PPM1E: variants seen among roughly 807,000 people sequenced by gnomAD.
PPM1E encodes the protein protein phosphatase 1E.
In PPM1E, 20 loss-of-function variants were observed where a neutral mutation model predicts 65.9. That is an observed-to-expected ratio of 0.30 (90% CI 0.21 to 0.44). The LOEUF (loss-of-function observed/expected upper bound fraction) is 0.44. PPM1E is among the 20% of genes least tolerant of loss of function. The probability of loss-of-function intolerance (pLI) is 1.00; values close to 1 mark genes in which losing one functional copy is unlikely to be tolerated. For missense variants in PPM1E, 713 were observed against 953.1 expected (o/e 0.75, Z 3.32); for synonymous variants, 352 against 374.9 (o/e 0.94, Z 0.70).
In PPM1E at chr17:58,975,998, A is replaced by C. The variant is rs115061581; in HGVS notation, c.1210+3073A>C. Among the ~76,000 whole-genome samples the C allele has an allele frequency of 8.6e-3, 1,306 of 152,264 alleles. 19 individuals carry two copies. Among genetic ancestry groups the C allele is most frequent in the African/African-American group, 0.029 (1,218 of 41,560 alleles). On this transcript the variant is annotated intron_variant, in intron 6 of 6. Transcript: ENST00000308249. ...CAGTAACATAAAGGAGCAAGTGTAG[A>C]TTTAGTTTCTTGGGCAGTTTGATGG...
chr17:58,955,596 T>G, intron 1 of PPM1E, 53 bp from the exon 2 acceptor site: 1 of 1,578,366 alleles, frequency 6.3e-7, no homozygotes, highest in Non-Finnish European at 8.7e-7. Context: ...ACGTTAAATG[T>G]ATTACTTTCT....
chr17:58,822,788 C>G lies in PPM1E; in HGVS notation c.464+66327C>G, dbSNP rs147372221. On this transcript the variant is annotated intron_variant, in intron 1 of 6. Coordinates refer to ENST00000308249, the MANE Select transcript of PPM1E (RefSeq NM_014906.5). ...TAATTACAACAAGCATAGGTTTAAG[C>G]CTCTGGCTGATAATTAAAGTTATGC... 6.6e-4 allele frequency among the ~76,000 whole-genome samples: 100 copies of G among 152,232 alleles called. 1 individual carries two copies. In the East Asian group the frequency reaches 0.014, roughly 21 times the overall value.
intron 1 of PPM1E, among the ~76,000 whole-genome samples, chr17:58,944,708 A>T (rs1203425889): frequency 1.3e-5 from 2 of 152,308 alleles, no homozygotes; most frequent in Non-Finnish European, 2.9e-5. Flanking sequence ...CCAGTGTATG[A>T]ATATATTGCA....
chr17:58,877,308 AAAGGAAAATAAGAT>A, intron 1 of PPM1E, among the ~76,000 whole-genome samples: 1 of 152,306 alleles, frequency 6.6e-6, no homozygotes, highest in South Asian at 2.1e-4. Flanking sequence ...AAGAGAGCAA[AAAGGAAAATAAGAT>A]ATTGCTTTTA....
At chr17:58,807,637 A>G (rs2050328556) in intron 1 of PPM1E, among the ~76,000 whole-genome samples, 1 of 152,350 alleles carries the variant, frequency 6.6e-6, no homozygotes, top group East Asian at 1.9e-4. Flanking sequence ...AAGATAAGTC[A>G]TAAACTGGGA....
chr17:58,859,339 C>G (rs2050914942), intron 1 of PPM1E, among the ~76,000 whole-genome samples: 1 of 152,202 alleles, frequency 6.6e-6, no homozygotes, highest in Non-Finnish European at 1.5e-5. Flanking sequence ...GGCCACATAG[C>G]CACCGTCCTT....
chr17:58,933,887 G>A (rs759580981), intron 1 of PPM1E, among the ~76,000 whole-genome samples: 3 of 151,978 alleles, frequency 2.0e-5, no homozygotes, highest in South Asian at 4.2e-4. Context: ...ATGAGGTCAG[G>A]AGTTCAAGAC....
At chr17:58,850,624 TAG>T (rs2050817381) in intron 1 of PPM1E, among the ~76,000 whole-genome samples, 1 of 152,214 alleles carries the variant, frequency 6.6e-6, no homozygotes, top group East Asian at 1.9e-4. Flanking sequence ...TTCTGGCTTG[TAG>T]AGTTTCTGCC....
intron 1 of PPM1E, among the ~76,000 whole-genome samples, chr17:58,907,533 T>C (rs539460020): frequency 1.3e-5 from 2 of 152,344 alleles, no homozygotes; most frequent in African/African-American, 4.8e-5. Context: ...AGTTCAACTA[T>C]GTCCTTACTA....
intron 1 of PPM1E, among the ~76,000 whole-genome samples, chr17:58,921,856 C>T (rs2143536256): frequency 6.6e-6 from 1 of 151,896 alleles, no homozygotes; most frequent in Middle Eastern, 3.4e-3. Flanking sequence ...GGCTGGCTAA[C>T]ATGGTAAAAC....
intron 1 of PPM1E, among the ~76,000 whole-genome samples, chr17:58,761,738 C>T (rs1005576963): frequency 6.6e-6 from 1 of 152,142 alleles, no homozygotes; most frequent in African/African-American, 2.4e-5. Context: ...AGTTAGGGGT[C>T]CCTTCTACGT....
At chr17:58,930,884 T>A (rs751176647) in intron 1 of PPM1E, among the ~76,000 whole-genome samples, 10 of 151,682 alleles carry the variant, frequency 6.6e-5, no homozygotes, top group Non-Finnish European at 1.3e-4. Flanking sequence ...GAAAATAATA[T>A]TTAAAGATTT....
intron 1 of PPM1E, 95 bp downstream of exon 1, chr17:58,756,556 C>T: frequency 8.2e-7 from 1 of 1,215,038 alleles, no homozygotes. Flanking sequence ...GCTCTCTTTT[C>T]TGCTCCTCTC....
chr17:58,965,550 C>A, intron 2 of PPM1E, 144 bp from the exon 3 acceptor site: 1 of 782,412 alleles, frequency 1.3e-6, no homozygotes, highest in Non-Finnish European at 2.1e-6. Context: ...TCAGAAGCAG[C>A]ATTTCATTTT....
chr17:58,869,435 G>C (rs2051044865), intron 1 of PPM1E, among the ~76,000 whole-genome samples: 1 of 152,130 alleles, frequency 6.6e-6, no homozygotes, highest in Non-Finnish European at 1.5e-5. Flanking sequence ...TAATGAATGA[G>C]TTCTCATTCT....
intron 1 of PPM1E, among the ~76,000 whole-genome samples, chr17:58,935,319 G>C (rs1241533658): frequency 1.3e-5 from 2 of 152,054 alleles, no homozygotes; most frequent in Non-Finnish European, 2.9e-5. Context: ...AAGACATACG[G>C]CATAAGAGGA....
chr17:58,818,478 C>T (rs2050448584), intron 1 of PPM1E, among the ~76,000 whole-genome samples: 1 of 152,124 alleles, frequency 6.6e-6, no homozygotes, highest in Admixed American at 6.5e-5. Context: ...GCCCAAAACA[C>T]TTAATATTAC....
At chr17:58,790,978 C>G (rs2050152123) in intron 1 of PPM1E, among the ~76,000 whole-genome samples, 1 of 152,084 alleles carries the variant, frequency 6.6e-6, no homozygotes, top group Non-Finnish European at 1.5e-5. Context: ...CAACCTCCAC[C>G]TCCTGGGCTC....
chr17:58,903,424 G>C (rs1437150641), intron 1 of PPM1E, among the ~76,000 whole-genome samples: 2 of 152,116 alleles, frequency 1.3e-5, no homozygotes, highest in Non-Finnish European at 2.9e-5. Context: ...AGTTCTCAAA[G>C]CTTTTGCCTT....
Sources: gnomAD v4.1 joint callset for allele counts (sites outside exome capture counted in the v4.1 genomes callset) on GRCh38, gnomAD v4.1.1 for gene constraint, MANE v1.5 for transcripts, NCBI Gene and HGNC (gene_info 2026-07-23, HGNC 2026-07-21) for gene names.